Variants in VASH2 observed in about 807,000 individuals in gnomAD.
VASH2 encodes the protein vasohibin 2.
A neutral mutation model predicts 37.2 loss-of-function variants in VASH2; 28 were observed. The observed-to-expected ratio is 0.75, with a 90% CI of 0.56 to 1.03. The LOEUF is 1.03. Among genes scored for constraint, VASH2 ranks in the 50% least tolerant of loss-of-function variants. VASH2 has a pLI of 0.00. For synonymous variants in VASH2, 188 were observed against 174.7 expected (o/e 1.08, Z -0.60); for missense variants, 419 against 459.1 (o/e 0.91, Z 0.80).
chr1:212,953,800 A>G lies in VASH2; in HGVS notation c.276+1982A>G, dbSNP rs76516621. Among the ~76,000 whole-genome samples the G allele has an allele frequency of 4.3e-3, 661 of 152,316 alleles. 2 individuals carry two copies. Among genetic ancestry groups the G allele is most frequent in the African/African-American group, 0.015 (623 of 41,560 alleles). On this transcript the variant is annotated intron_variant, in intron 2 of 7. Coordinates refer to ENST00000517399, the MANE Select transcript of VASH2 (RefSeq NM_001301056.2). ...CTAATGCTGATCTGTGTGATGCTAG[A>G]GGTCTGCTAGACTATGAGCCCTCAG...
At chr1:212,988,426 A>C in intron 7 of VASH2, 86 bp from the exon 8 acceptor site, 2 of 1,400,740 alleles carry the variant, frequency 1.4e-6, no homozygotes, top group Non-Finnish European at 1.0e-6. Context: ...AGGATTAGGA[A>C]AACCGAGTAG....
At chr1:212,965,694 T>G in intron 3 of VASH2, 28 bp from the exon 4 acceptor site, 1 of 1,542,210 alleles carries the variant, frequency 6.5e-7, no homozygotes, top group Non-Finnish European at 8.8e-7. Flanking sequence ...GAGTTTTCTG[T>G]CACTTTCCCT....
intron 6 of VASH2, 35 bp from the exon 7 acceptor site, chr1:212,973,920 G>A (rs746371271): frequency 1.1e-5 from 17 of 1,605,268 alleles, no homozygotes; most frequent in Non-Finnish European, 1.4e-5. Context: ...GGTCCCTTAG[G>A]AACCAGGGTG....
In VASH2 at chr1:212,988,644, C is replaced by T; in HGVS notation, c.*60C>T. ...GTGCTTCTCTCTGCACTTTACCCAGCATCTTCAGGAGGAACTGCAACTATT... is the reference window on the plus strand; with the variant it reads ...GTGCTTCTCTCTGCACTTTACCCAGTATCTTCAGGAGGAACTGCAACTATT... On this transcript the variant is annotated 3_prime_UTR_variant, in exon 8 of 8. Coordinates refer to ENST00000517399, the MANE Select transcript of VASH2 (RefSeq NM_001301056.2). The T allele has an allele frequency of 1.3e-6, 2 of 1,536,356 alleles. No homozygotes were observed. Among genetic ancestry groups the T allele is most frequent in the South Asian group, 1.1e-5 (1 of 89,152 alleles).
In VASH2 at chr1:212,988,500, T is replaced by C; in HGVS notation, c.996-12T>C. 1 of 1,613,948 alleles carries C rather than the reference T, an allele frequency of 6.2e-7. No individual in the cohort carries two copies. Among genetic ancestry groups the C allele is most frequent in the Admixed American group, 1.7e-5 (1 of 60,018 alleles). On this transcript the variant is annotated splice_polypyrimidine_tract_variant and intron_variant, in intron 7 of 7. Transcript: ENST00000517399. ...CCCTCTCCTCCACCATATTTCTGTC[T>C]TTTACCCTTAGGCCTGCACTGCCTG... is the stretch of plus-strand genomic sequence containing the variant.
At chr1:212,961,068 CCT>C (rs1260212561) in intron 2 of VASH2, 96 bp from the exon 3 acceptor site, 26 of 1,185,406 alleles carry the variant, frequency 2.2e-5, no homozygotes, top group Non-Finnish European at 2.6e-5. Flanking sequence ...CTCAGGAGCA[CCT>C]CTCTCTCTGG....
intron 7 of VASH2, among the ~76,000 whole-genome samples, chr1:212,977,546 G>T (rs1354064149): frequency 6.6e-6 from 1 of 152,062 alleles, no homozygotes; most frequent in Non-Finnish European, 1.5e-5. Context: ...GGTGGTGGGT[G>T]GGGGAGAGGG....
chr1:212,969,893 T>C (rs1267989382), intron 5 of VASH2, among the ~76,000 whole-genome samples: 1 of 152,238 alleles, frequency 6.6e-6, no homozygotes, highest in South Asian at 2.1e-4. Context: ...TTCTCTTTTT[T>C]TGACTTTGGC....
chr1:212,976,568 T>TAA (rs10701449), intron 7 of VASH2, among the ~76,000 whole-genome samples: 78,578 of 147,714 alleles, frequency 0.53, 22,607 homozygotes, highest in Non-Finnish European at 0.66. Context: ...TGAGGCCCTG[T>TAA]AAAAAAAAAA....
intron 2 of VASH2, among the ~76,000 whole-genome samples, chr1:212,957,246 G>A (rs1310364505): frequency 1.3e-5 from 2 of 152,172 alleles, no homozygotes; most frequent in African/African-American, 2.4e-5. Flanking sequence ...GTATACCATC[G>A]TATATTCCGT....
At chr1:212,953,479 T>C (rs1666388088) in intron 2 of VASH2, among the ~76,000 whole-genome samples, 2 of 152,190 alleles carry the variant, frequency 1.3e-5, no homozygotes, top group South Asian at 4.1e-4. Context: ...ATTGTTGTGT[T>C]CCTCTTGCCT....
At chr1:212,976,994 C>CA (rs1459637141) in intron 7 of VASH2, among the ~76,000 whole-genome samples, 3 of 149,666 alleles carry the variant, frequency 2.0e-5, no homozygotes, top group Non-Finnish European at 4.4e-5. Context: ...ATAAGCTTTT[C>CA]AAAAACGATG....
intron 2 of VASH2, among the ~76,000 whole-genome samples, chr1:212,954,180 TG>T (rs1666413285): frequency 6.6e-6 from 1 of 152,198 alleles, no homozygotes; most frequent in Admixed American, 6.5e-5. Context: ...CCCAAAGTGG[TG>T]GGATTACAGG....
chr1:212,975,808 A>G (rs1488269428), intron 7 of VASH2, among the ~76,000 whole-genome samples: 3 of 152,206 alleles, frequency 2.0e-5, no homozygotes, highest in Non-Finnish European at 4.4e-5. Flanking sequence ...AATGTCGAGC[A>G]GAGTCTATAA....
intron 5 of VASH2, 34 bp from the exon 6 acceptor site, chr1:212,972,546 C>T (rs746686289): frequency 6.3e-7 from 1 of 1,591,460 alleles, no homozygotes; most frequent in Non-Finnish European, 8.5e-7. Flanking sequence ...ATTTTCAAGG[C>T]CTCCTTTCTC....
chr1:212,971,059 T>C lies in VASH2; in HGVS notation c.498-1521T>C, dbSNP rs552980593. On this transcript the variant is annotated intron_variant, in intron 5 of 7. Coordinates refer to ENST00000517399, the MANE Select transcript of VASH2 (RefSeq NM_001301056.2). The surrounding 1 kb of genome is among the most constrained non-coding windows in gnomAD (Gnocchi z 4.0). ...GCAGATGAGTGGAATCATACCATATTTGTCCTTTTGTATTAGGCTGATTTC... is the reference window on the plus strand; with the variant it reads ...GCAGATGAGTGGAATCATACCATATCTGTCCTTTTGTATTAGGCTGATTTC... Among the ~76,000 whole-genome samples, 7 of 152,274 alleles carry C rather than the reference T, an allele frequency of 4.6e-5. No individual in the cohort carries two copies. The highest frequency in any genetic ancestry group is 3.4e-3 in the Middle Eastern group (1 of 294).
In VASH2 at chr1:212,950,628, C is replaced by T; in HGVS notation, c.-317C>T. 1 of 154,728 alleles carries T rather than the reference C, an allele frequency of 6.5e-6. No individual in the cohort carries two copies. Among genetic ancestry groups the T allele is most frequent in the Non-Finnish European group, 1.4e-5 (1 of 69,252 alleles). 9.6% of individuals were successfully genotyped at this position (154,728 alleles called of 1,614,324 possible). The stretch of plus-strand genomic sequence containing the variant: ...TGGGACATGGAATGAGGCGACGGCC[C>T]CAGCAAGCCCCAGCAGCCCCAGCCC... On this transcript the variant is annotated 5_prime_UTR_variant, in exon 1 of 8. Coordinates refer to ENST00000517399, the MANE Select transcript of VASH2 (RefSeq NM_001301056.2). The surrounding 1 kb of genome is among the most constrained non-coding windows in gnomAD (Gnocchi z 5.5).
chr1:212,961,084 C>T, intron 2 of VASH2, 82 bp from the exon 3 acceptor site: 1 of 1,374,390 alleles, frequency 7.3e-7, no homozygotes, highest in African/African-American at 1.4e-5. Flanking sequence ...TCTCTGGTGG[C>T]TTTAGCCCTC....
chr1:212,982,105 C>T (rs1667355450), intron 7 of VASH2, among the ~76,000 whole-genome samples: 1 of 152,216 alleles, frequency 6.6e-6, no homozygotes, highest in Admixed American at 6.5e-5. Flanking sequence ...GCTTTGAGCA[C>T]CCTCCGTCCA....
Sources: gnomAD v4.1 joint callset for allele counts (sites outside exome capture counted in the v4.1 genomes callset) on GRCh38, gnomAD v4.1.1 for gene constraint, Gnocchi (gnomAD v3.1) non-coding constraint, MANE v1.5 for transcripts, NCBI Gene and HGNC (gene_info 2026-07-23, HGNC 2026-07-21) for gene names.